Variants in SUGCT observed in about 807,000 individuals in gnomAD.
The protein encoded by SUGCT is succinyl-CoA:glutarate-CoA transferase.
Under a neutral mutation model 55.0 loss-of-function variants are expected in SUGCT, and 41 were observed. That is an observed-to-expected ratio of 0.74 (90% CI 0.58 to 0.97). SUGCT has a LOEUF of 0.97. Among genes scored for constraint, SUGCT ranks in the 50% least tolerant of loss-of-function variants. The pLI is 0.00. For missense variants in SUGCT, 568 were observed against 547.8 expected (o/e 1.04, Z -0.37); for synonymous variants, 187 against 200.4 (o/e 0.93, Z 0.56).
chr7:40,942,137 A>G, the SUGCT span, among the ~76,000 whole-genome samples: 12 of 152,104 alleles, frequency 7.9e-5, no homozygotes, highest in Admixed American at 7.9e-4. Context: ...CTTCTTCACT[A>G]TGTTATTGTT....
chr7:40,249,719 C>T (rs2150926979), intron 7 of SUGCT, among the ~76,000 whole-genome samples: 1 of 152,128 alleles, frequency 6.6e-6, no homozygotes, highest in Middle Eastern at 3.4e-3. Flanking sequence ...TGATTACGGT[C>T]AGAGTTAGAG....
chr7:40,670,357 A>G lies in SUGCT; in HGVS notation c.1090-79077A>G, dbSNP rs145043640. On this transcript the variant is annotated intron_variant, in intron 12 of 13. Transcript: ENST00000335693. ...AGCAGAAAGCCAAGAAAGAAAATCA[A>G]TGAAACAAAGGGCTGGTTTTATGAA... is the stretch of plus-strand genomic sequence containing the variant. Among the ~76,000 whole-genome samples the G allele has an allele frequency of 1.4e-4, 21 of 152,180 alleles. No individual in the cohort carries two copies. In the East Asian group the frequency reaches 3.5e-3, roughly 25 times the overall value.
intron 7 of SUGCT, among the ~76,000 whole-genome samples, chr7:40,266,091 T>G (rs1373036450): frequency 6.6e-6 from 1 of 152,042 alleles, no homozygotes. Flanking sequence ...ATTTCAAAAT[T>G]ATCAATTTTT....
chr7:41,031,200 G>T, the SUGCT span, among the ~76,000 whole-genome samples: 1 of 152,112 alleles, frequency 6.6e-6, no homozygotes, highest in Admixed American at 6.5e-5. Flanking sequence ...TTTAAATCAA[G>T]AATTCTCTGT....
chr7:40,355,144 G>A (rs893510255), intron 9 of SUGCT, among the ~76,000 whole-genome samples: 1 of 152,090 alleles, frequency 6.6e-6, no homozygotes, highest in Non-Finnish European at 1.5e-5. Context: ...CCTCCTCTTC[G>A]TTACTGATAG....
chr7:40,422,679 A>G (rs921691376), intron 9 of SUGCT, among the ~76,000 whole-genome samples: 28 of 152,172 alleles, frequency 1.8e-4, no homozygotes, highest in African/African-American at 5.5e-4. Context: ...TTGTTGAATT[A>G]AACATCAGGT....
intron 12 of SUGCT, among the ~76,000 whole-genome samples, chr7:40,733,369 A>G (rs573506447): frequency 1.3e-5 from 2 of 152,194 alleles, no homozygotes; most frequent in Non-Finnish European, 2.9e-5. Context: ...GCCTGGTCAC[A>G]CAGGCTCCTT....
rs146398110 is a variant in SUGCT, at chr7:40,573,855, A to G, written c.1089+77469A>G. Among the ~76,000 whole-genome samples, 15 of 152,308 alleles carry G rather than the reference A, an allele frequency of 9.8e-5. No homozygotes were observed. The East Asian group carries it at 2.5e-3, about 25-fold the overall frequency. On this transcript the variant is annotated intron_variant, in intron 12 of 13. Coordinates refer to ENST00000335693, the MANE Select transcript of SUGCT (RefSeq NM_001193313.2). ...TTGACTTCCTGGCTCTCTTTCCTCT[A>G]TAGCACACAATTTGAGAGCCTTATT...
the SUGCT span, among the ~76,000 whole-genome samples, chr7:40,907,542 C>G: frequency 6.6e-6 from 1 of 152,140 alleles, no homozygotes; most frequent in East Asian, 1.9e-4. Flanking sequence ...TATGCATTGC[C>G]TCATCTAACG....
chr7:40,259,376 AT>A, intron 7 of SUGCT, among the ~76,000 whole-genome samples: 1 of 152,186 alleles, frequency 6.6e-6, no homozygotes, highest in Non-Finnish European at 1.5e-5. Flanking sequence ...GTCAATTTGC[AT>A]ATATTTGTGT....
chr7:40,841,252 A>G (rs1041189071), intron 13 of SUGCT, among the ~76,000 whole-genome samples: 1 of 152,136 alleles, frequency 6.6e-6, no homozygotes, highest in East Asian at 1.9e-4. Flanking sequence ...TCATTCATCA[A>G]TAACTTTTTT....
chr7:41,003,586 C>G, the SUGCT span, among the ~76,000 whole-genome samples: 2 of 152,256 alleles, frequency 1.3e-5, no homozygotes, highest in South Asian at 4.1e-4. Flanking sequence ...AAATTTCTAA[C>G]GGTGGCATGG....
chr7:40,872,217 C>A, the SUGCT span, among the ~76,000 whole-genome samples: 1 of 152,046 alleles, frequency 6.6e-6, no homozygotes, highest in Non-Finnish European at 1.5e-5. Context: ...GGTGCCTGAC[C>A]GTCCCATCTA....
At chr7:40,365,572 A>T (rs184446056) in intron 9 of SUGCT, among the ~76,000 whole-genome samples, 61 of 152,268 alleles carry the variant, frequency 4.0e-4, no homozygotes, top group African/African-American at 1.4e-3. Context: ...AAGTCTCAGG[A>T]TACAAAATCA....
At chr7:40,298,422 C>T (rs961194401) in intron 8 of SUGCT, among the ~76,000 whole-genome samples, 4 of 152,232 alleles carry the variant, frequency 2.6e-5, no homozygotes, top group African/African-American at 7.2e-5. Context: ...TTCCATTGGT[C>T]TTTGTTCTTT....
At chr7:41,010,747 T>A in the SUGCT span, among the ~76,000 whole-genome samples, 1 of 152,296 alleles carries the variant, frequency 6.6e-6, no homozygotes, top group African/African-American at 2.4e-5. Context: ...TTTTGTGCTG[T>A]AATCACCCAT....
chr7:40,502,282 C>A (rs1792322114), intron 12 of SUGCT, among the ~76,000 whole-genome samples: 1 of 151,768 alleles, frequency 6.6e-6, no homozygotes, highest in South Asian at 2.1e-4. Context: ...ACTTGCAAGC[C>A]AAAGACATAA....
intron 11 of SUGCT, among the ~76,000 whole-genome samples, chr7:40,466,954 A>G (rs1583756268): frequency 6.6e-6 from 1 of 152,222 alleles, no homozygotes; most frequent in African/African-American, 2.4e-5. Context: ...CTGTAATCCC[A>G]GCACTTTGGG....
At chr7:40,959,311 T>C in the SUGCT span, among the ~76,000 whole-genome samples, 1 of 152,148 alleles carries the variant, frequency 6.6e-6, no homozygotes, top group Non-Finnish European at 1.5e-5. Flanking sequence ...AGATGGGAGT[T>C]TTATCTATAA....
Sources: gnomAD v4.1 joint callset for allele counts (sites outside exome capture counted in the v4.1 genomes callset) on GRCh38, gnomAD v4.1.1 for gene constraint, MANE v1.5 for transcripts, NCBI Gene and HGNC (gene_info 2026-07-23, HGNC 2026-07-21) for gene names.